RAB37: variants seen among roughly 807,000 people sequenced by gnomAD.
RAB37 encodes the protein ras-related protein Rab-37.
Under a neutral mutation model 33.1 loss-of-function variants are expected in RAB37, and 29 were observed. That is an observed-to-expected ratio of 0.88 (90% CI 0.65 to 1.20). The LOEUF (loss-of-function observed/expected upper bound fraction) is 1.20, where lower values mean the gene tolerates loss of function less well. Ranked by LOEUF, RAB37 falls within the 50% of genes most tolerant of loss-of-function variation. RAB37 has a pLI of 0.00. For synonymous variants in RAB37, 128 were observed against 119.5 expected, an observed-to-expected ratio of 1.07 and a Z score of -0.47; for missense variants, 299 against 301.1, an observed-to-expected ratio of 0.99 and a Z score of 0.05.
chr17:74,744,683 C>A lies in RAB37; in HGVS notation c.433-190C>A. ...CCCAACTGCTGTCCTATTCCAAGAC[C>A]CTTTACCAAAGGTGAGATCCCAGAG... On this transcript the variant is annotated intron_variant, in intron 6 of 8. Coordinates refer to ENST00000392613, the MANE Select transcript of RAB37 (RefSeq NM_001006638.3). The surrounding 1 kb of genome is among the most constrained non-coding windows in gnomAD (Gnocchi z 4.2). 1.5e-6 allele frequency: 1 copy of A among 687,418 alleles called. No individual in the cohort carries two copies. Among genetic ancestry groups the A allele is most frequent in the Non-Finnish European group, 2.5e-6 (1 of 396,816 alleles). The allele number at this position is 687,418 out of a possible 1,614,324, so 42.6% of individuals were successfully genotyped here. A position where few individuals can be genotyped will look rare whatever the true frequency, so the allele number is the denominator to read the frequency against.
At chr17:74,678,647 C>G (rs2031891257) in intron 1 of RAB37, among the ~76,000 whole-genome samples, 1 of 151,870 alleles carries the variant, frequency 6.6e-6, no homozygotes, top group South Asian at 2.1e-4. Context: ...ACTTGCTAGC[C>G]TTCTGCCCCT....
Position 74,744,374 on chromosome 17 carries a change from G to A in RAB37, c.432+1G>A, listed in dbSNP as rs780649530. ...GGTGATCATGCTGCTAGGCAACAAG[G>A]TGAGTGGCTCCGGGGCAGGGTCAGC... is the stretch of plus-strand genomic sequence containing the variant. On this transcript the variant is annotated splice_donor_variant, in intron 6 of 8. Transcript: ENST00000392613. LOFTEE classifies it high-confidence loss of function. The surrounding 1 kb of genome is among the most constrained non-coding windows in gnomAD (Gnocchi z 4.2). The A allele has an allele frequency of 3.1e-6, 5 of 1,613,924 alleles. No homozygotes were observed. The African/African-American group carries it at 6.7e-5, about 22-fold the overall frequency.
chr17:74,740,700 GTCTC>G (rs2034590869), intron 1 of RAB37, 64 bp from the exon 2 acceptor site: 1 of 1,088,722 alleles, frequency 9.2e-7, no homozygotes, highest in Non-Finnish European at 1.4e-6. Flanking sequence ...CTCTCCATGT[GTCTC>G]TCTCCTGGAA....
chr17:74,718,801 A>G (rs1283506808), intron 1 of RAB37, among the ~76,000 whole-genome samples: 2 of 152,220 alleles, frequency 1.3e-5, no homozygotes, highest in Non-Finnish European at 2.9e-5. Context: ...GCTGTTAAAT[A>G]TATGTGTGTG....
At position 74,729,438 on chromosome 17, in the gene RAB37, C is replaced by A; in HGVS notation, c.183+72C>A. ...CCAGCGTGTTTCTGTTGAGTGCCAG[C>A]AGGAAACAGGTGGACACTCGCATTG... On this transcript the variant is annotated intron_variant, in intron 2 of 7. Transcript: ENST00000340415. This position sits in a 1 kb window ranked among gnomAD's most constrained non-coding sequence, Gnocchi z 4.2. 2 of 1,007,022 alleles carry A rather than the reference C, an allele frequency of 2.0e-6. No individual in the cohort carries two copies. Among genetic ancestry groups the A allele is most frequent in the African/African-American group, 1.6e-5 (1 of 63,400 alleles). The allele number at this position is 1,007,022 out of a possible 1,614,324, so 62.4% of individuals were successfully genotyped here. A position where few individuals can be genotyped will look rare whatever the true frequency, so the allele number is the denominator to read the frequency against.
At chr17:74,728,357 TTG>T (rs1003628034) in intron 1 of RAB37, among the ~76,000 whole-genome samples, 12 of 151,532 alleles carry the variant, frequency 7.9e-5, no homozygotes, top group African/African-American at 1.2e-4. Context: ...GTATTTGTGT[TTG>T]TGTGTGTAGA....
At chr17:74,695,072 C>A in intron 1 of RAB37, 1 of 1,605,268 alleles carries the variant, frequency 6.2e-7, no homozygotes, top group South Asian at 1.1e-5. Context: ...AGCCTGGGGT[C>A]CAAGAAGGAG....
At chr17:74,739,419 C>T (rs879621628) in intron 1 of RAB37, among the ~76,000 whole-genome samples, 9 of 152,144 alleles carry the variant, frequency 5.9e-5, no homozygotes, top group Non-Finnish European at 7.4e-5. Flanking sequence ...CCCGGGATGC[C>T]GATCTGCAGC....
chr17:74,678,376 A>G lies in RAB37; in HGVS notation c.72+6718A>G, dbSNP rs967882676. On this transcript the variant is annotated intron_variant, in intron 1 of 7. Coordinates refer to the RAB37 transcript ENST00000340415. The stretch of plus-strand genomic sequence containing the variant: ...AAGGGAGCAAGGCCTTGAGTGGTGC[A>G]GTGAAAATAACTTGAGACGTGCAGG... Among the ~76,000 whole-genome samples, 17 of 152,162 alleles carry G rather than the reference A, an allele frequency of 1.1e-4. 1 individual carries two copies. The East Asian group carries it at 3.3e-3, about 29-fold the overall frequency.
chr17:74,696,747 C>G (rs994526342), intron 1 of RAB37, among the ~76,000 whole-genome samples: 2 of 152,198 alleles, frequency 1.3e-5, no homozygotes, highest in Non-Finnish European at 2.9e-5. Flanking sequence ...TGCAGGGTGG[C>G]TGGGCCTGTC....
rs1161903771 is a variant in RAB37, at chr17:74,745,626, T to C, written c.*215T>C. On this transcript the variant is annotated 3_prime_UTR_variant, in exon 9 of 9. Coordinates refer to ENST00000392613, the MANE Select transcript of RAB37 (RefSeq NM_001006638.3). This position sits in a 1 kb window ranked among gnomAD's most constrained non-coding sequence, Gnocchi z 4.5. ...AGGGTAAAACACTTAGCTTTTATTT[T>C]AATAGTACATAATTTAATACCAAAA... The C allele has an allele frequency of 2.0e-6, 1 of 508,738 alleles. No individual in the cohort carries two copies. Among genetic ancestry groups the C allele is most frequent in the African/African-American group, 2.0e-5 (1 of 51,118 alleles). 31.5% of individuals were successfully genotyped at this position (508,738 alleles called of 1,614,324 possible). A position where few individuals can be genotyped will look rare whatever the true frequency, so the allele number is the denominator to read the frequency against.
intron 1 of RAB37, chr17:74,695,813 A>T (rs774007153): frequency 1.9e-6 from 3 of 1,614,170 alleles, no homozygotes; most frequent in Admixed American, 1.7e-5. Flanking sequence ...GGCCAGCTGC[A>T]GGGTCAGGTC....
chr17:74,737,479 A>T (rs1333196768), intron 1 of RAB37, 114 bp downstream of exon 1: 3 of 1,192,916 alleles, frequency 2.5e-6, no homozygotes, highest in Non-Finnish European at 3.5e-6. Context: ...CAGAGGAGGG[A>T]GGGAGAGAGG....
intron 1 of RAB37, chr17:74,694,970 T>A: frequency 9.2e-7 from 1 of 1,090,676 alleles, no homozygotes; most frequent in East Asian, 2.5e-5. Flanking sequence ...CTAGGGGCAA[T>A]GCTGGCTGAT....
At chr17:74,714,542 A>AT (rs1391624856) in intron 1 of RAB37, among the ~76,000 whole-genome samples, 1 of 152,062 alleles carries the variant, frequency 6.6e-6, no homozygotes, top group Non-Finnish European at 1.5e-5. Context: ...CTACTGCTGT[A>AT]CCCCAGCCCA....
At chr17:74,695,686 C>T (rs767466657) in intron 1 of RAB37, 23 of 1,613,446 alleles carry the variant, frequency 1.4e-5, no homozygotes, top group Non-Finnish European at 1.9e-5. Flanking sequence ...CCTGTGTCCC[C>T]CTGCCCCAGC....
chr17:74,721,976 C>T (rs372605263), intron 1 of RAB37, among the ~76,000 whole-genome samples: 10 of 151,884 alleles, frequency 6.6e-5, no homozygotes, highest in African/African-American at 2.4e-4. Context: ...GAAACAGAAA[C>T]GGTAAGCTAT....
intron 1 of RAB37, among the ~76,000 whole-genome samples, chr17:74,684,086 TTTTA>T (rs927700011): frequency 1.3e-5 from 2 of 151,980 alleles, no homozygotes; most frequent in Non-Finnish European, 2.9e-5. Context: ...AGAGTCATTA[TTTTA>T]TTTATTTATT....
chr17:74,733,534 A>G (rs2034423075), upstream of RAB37, among the ~76,000 whole-genome samples: 1 of 3,074 alleles, frequency 3.3e-4, no homozygotes, highest in South Asian at 6.9e-3. Context: ...GTGTGATTTG[A>G]GGGGTGAGGT....
Sources: gnomAD v4.1 joint callset for allele counts (sites outside exome capture counted in the v4.1 genomes callset) on GRCh38, gnomAD v4.1.1 for gene constraint, Gnocchi (gnomAD v3.1) non-coding constraint, MANE v1.5 for transcripts, NCBI Gene and HGNC (gene_info 2026-07-23, HGNC 2026-07-21) for gene names.